Variants in LTBP1 observed in about 807,000 individuals in gnomAD.
The protein encoded by LTBP1 is latent transforming growth factor beta binding protein 1, also known as latent-transforming growth factor beta-binding protein 1.
LTBP1 carries 129 observed loss-of-function variants against 207.6 expected under a neutral mutation model. The ratio of observed to expected loss-of-function variants is 0.62; its 90% CI spans 0.54 to 0.72. The LOEUF is 0.72. Among genes scored for constraint, LTBP1 ranks in the 30% least tolerant of loss-of-function variants. LTBP1 has a pLI of 0.00. For synonymous variants in LTBP1, 963 were observed against 833.7 expected (o/e 1.16, Z -2.67); for missense variants, 2,281 against 2,217.2 (o/e 1.03, Z -0.58).
chr2:33,175,495 C>T (rs1164134825), intron 5 of LTBP1, among the ~76,000 whole-genome samples: 2 of 152,114 alleles, frequency 1.3e-5, no homozygotes, highest in Non-Finnish European at 2.9e-5. Flanking sequence ...ATTAAAAAGT[C>T]AGGAAACAAC....
At chr2:33,172,877 A>C (rs1281677942) in intron 5 of LTBP1, among the ~76,000 whole-genome samples, 1 of 152,190 alleles carries the variant, frequency 6.6e-6, no homozygotes, top group African/African-American at 2.4e-5. Context: ...ACTACATGGA[A>C]ACTGAACAAC....
intron 24 of LTBP1, among the ~76,000 whole-genome samples, chr2:33,328,133 C>CTAAATAAATAAATAAATAAA (rs1250913494): frequency 1.9e-5 from 1 of 52,094 alleles, no homozygotes; most frequent in Non-Finnish European, 4.4e-5. Context: ...GAGACTCTGT[C>CTAAATAAATAAATAAATAAA]TCAATAAATA....
intron 3 of LTBP1, among the ~76,000 whole-genome samples, chr2:33,071,781 T>C (rs922039839): frequency 6.6e-6 from 1 of 152,226 alleles, no homozygotes; most frequent in Non-Finnish European, 1.5e-5. Context: ...CTGGGGATTC[T>C]TCTTTATGTC....
chr2:33,193,539 C>G (rs1573090878), intron 7 of LTBP1, among the ~76,000 whole-genome samples: 1 of 152,150 alleles, frequency 6.6e-6, no homozygotes, highest in South Asian at 2.1e-4. Context: ...TTTACTGCAC[C>G]TCACTTCCAC....
intron 3 of LTBP1, among the ~76,000 whole-genome samples, chr2:33,093,470 T>G (rs2079217283): frequency 6.6e-6 from 1 of 152,160 alleles, no homozygotes; most frequent in South Asian, 2.1e-4. Context: ...TGGCAGTTTT[T>G]TTTTCTTTTT....
At chr2:33,188,172 G>C (rs191409963) in intron 6 of LTBP1, among the ~76,000 whole-genome samples, 3 of 152,156 alleles carry the variant, frequency 2.0e-5, no homozygotes, top group African/African-American at 7.2e-5. Context: ...TGTAATCCCA[G>C]CACTTTGGGA....
intron 2 of LTBP1, among the ~76,000 whole-genome samples, chr2:33,012,262 A>C: frequency 6.7e-6 from 1 of 149,538 alleles, no homozygotes; most frequent in East Asian, 2.0e-4. Flanking sequence ...CCAAGGGCAC[A>C]GAGCTGGGAT....
At chr2:32,976,999 G>A (rs1275963704) in intron 2 of LTBP1, among the ~76,000 whole-genome samples, 1 of 152,256 alleles carries the variant, frequency 6.6e-6, no homozygotes, top group Admixed American at 6.5e-5. Flanking sequence ...GCTCTAGCAT[G>A]CCTGGCCCCT....
At chr2:33,010,055 A>T (rs1687459863) in intron 2 of LTBP1, among the ~76,000 whole-genome samples, 1 of 152,088 alleles carries the variant, frequency 6.6e-6, no homozygotes, top group African/African-American at 2.4e-5. Context: ...AGAGCAGAGG[A>T]TGGCAGTGAA....
At chr2:33,225,795 C>T (rs572275141) in intron 9 of LTBP1, among the ~76,000 whole-genome samples, 12 of 152,130 alleles carry the variant, frequency 7.9e-5, no homozygotes, top group African/African-American at 2.9e-4. Context: ...GTGAGATCAA[C>T]TTTTTTTTGC....
chr2:33,389,245 C>A lies in LTBP1; in HGVS notation c.4773C>A (p.Asp1591Glu). The stretch of plus-strand genomic sequence containing the variant: ...GACGCCGGCAGCCATATGGACGGGA[C>A]GCCTTGGTTGACTTCAGTGAACAGT... ...VTGRRQPYGR[D>E]ALVDFSEQYT... is the part of the protein sequence containing the mutation. Residue 1591 changes from aspartate (D) to glutamate (E), a missense_variant, in exon 32 of 34, where the codon GAC (aspartate) becomes GAA (glutamate). By Grantham distance (45) the Asp-to-Glu change is conservative. This residue lies in a region of LTBP1 where 1,671 missense variants were observed against 1,634.8 expected (regional missense o/e 1.02). Coordinates refer to ENST00000404816, the MANE Select transcript of LTBP1 (RefSeq NM_206943.4). 6.2e-7 allele frequency: 1 copy of A among 1,614,150 alleles called. No individual in the cohort carries two copies. Among genetic ancestry groups the A allele is most frequent in the Non-Finnish European group, 8.5e-7 (1 of 1,180,026 alleles).
intron 5 of LTBP1, among the ~76,000 whole-genome samples, chr2:33,164,352 G>GAAAAAAAAAAAAAAAAAAA (rs56916166): frequency 3.5e-5 from 1 of 28,262 alleles, no homozygotes; most frequent in Non-Finnish European, 7.5e-5. Flanking sequence ...TTCCTCTCAG[G>GAAAAAAAAAAAAAAAAAAA]AAAAAAAAAA....
chr2:33,113,318 A>G (rs2080523061), intron 4 of LTBP1, among the ~76,000 whole-genome samples: 1 of 152,240 alleles, frequency 6.6e-6, no homozygotes. Context: ...ACAGTAGTCT[A>G]CAAGCCCAAG....
chr2:33,233,395 G>A (rs1480494216), intron 9 of LTBP1, among the ~76,000 whole-genome samples: 2 of 151,938 alleles, frequency 1.3e-5, no homozygotes, highest in African/African-American at 4.8e-5. Flanking sequence ...ACCTGTTCTT[G>A]TTTTATATTG....
intron 2 of LTBP1, among the ~76,000 whole-genome samples, chr2:32,964,465 G>A (rs186194660): frequency 1.3e-5 from 2 of 152,134 alleles, no homozygotes; most frequent in East Asian, 3.9e-4. Flanking sequence ...AAGTAGAAAG[G>A]CATTTTTTCC....
At chr2:33,091,134 C>G (rs941417168) in intron 3 of LTBP1, among the ~76,000 whole-genome samples, 1 of 152,082 alleles carries the variant, frequency 6.6e-6, no homozygotes, top group African/African-American at 2.4e-5. Flanking sequence ...GGAGGTTTGC[C>G]TGGTACTTAA....
At chr2:33,235,712 A>G (rs2092010880) in intron 9 of LTBP1, among the ~76,000 whole-genome samples, 1 of 152,254 alleles carries the variant, frequency 6.6e-6, no homozygotes. Flanking sequence ...ACCATGGAAT[A>G]CTATGCAGCC....
chr2:33,107,905 C>G (rs2080158943), intron 3 of LTBP1, among the ~76,000 whole-genome samples: 1 of 151,738 alleles, frequency 6.6e-6, no homozygotes, highest in Non-Finnish European at 1.5e-5. Flanking sequence ...GATAGTAAAG[C>G]TTTTTTTTCT....
At chr2:33,119,015 G>A (rs2080947898) in intron 4 of LTBP1, among the ~76,000 whole-genome samples, 1 of 152,082 alleles carries the variant, frequency 6.6e-6, no homozygotes, top group African/African-American at 2.4e-5. Context: ...TAAATTCCTC[G>A]ATGAGCAGCC....
Sources: gnomAD v4.1 joint callset for allele counts (sites outside exome capture counted in the v4.1 genomes callset) on GRCh38, gnomAD v4.1.1 for gene constraint, gnomAD v4.1.1 regional missense constraint, MANE v1.5 for transcripts, NCBI Gene and HGNC (gene_info 2026-07-23, HGNC 2026-07-21) for gene names.